The following ZNF536 variants were observed in gnomAD, a reference collection of about 807,000 sequenced individuals.
The protein encoded by ZNF536 is zinc finger protein 536.
ZNF536 carries 13 observed loss-of-function variants against 84.5 expected under a neutral mutation model. The observed-to-expected ratio is 0.15, with a 90% CI of 0.10 to 0.24. ZNF536 has a LOEUF of 0.24. Among genes scored for constraint, ZNF536 ranks in the 10% least tolerant of loss-of-function variants. The probability of loss-of-function intolerance (pLI) is 1.00; values close to 1 mark genes in which losing one functional copy is unlikely to be tolerated. For missense variants in ZNF536, 1,536 were observed against 1,747.5 expected (o/e 0.88, Z 2.16); for synonymous variants, 811 against 742.5 (o/e 1.09, Z -1.50).
intron 1 of ZNF536, among the ~76,000 whole-genome samples, chr19:30,637,345 A>T (rs1173518322): frequency 1.3e-5 from 2 of 152,170 alleles, no homozygotes; most frequent in Non-Finnish European, 2.9e-5. Flanking sequence ...TCTCTTTGAG[A>T]GTCCATCAAC....
At chr19:30,377,873 C>G (rs571937034) in intron 1 of ZNF536, among the ~76,000 whole-genome samples, 42 of 152,228 alleles carry the variant, frequency 2.8e-4, no homozygotes, top group Non-Finnish European at 1.5e-5. Flanking sequence ...CCTCATTTTA[C>G]CCAGCTCCTA....
chr19:30,375,089 G>A (rs1431053391), intron 1 of ZNF536, among the ~76,000 whole-genome samples: 5 of 151,642 alleles, frequency 3.3e-5, no homozygotes, highest in Non-Finnish European at 7.4e-5. Context: ...GAGTAACAAA[G>A]GAATGCGTCT....
In ZNF536 at chr19:30,537,049, T is replaced by C. The variant is rs148189825; in HGVS notation, c.2323+2050T>C. Among the ~76,000 whole-genome samples, 848 of 152,290 alleles carry C rather than the reference T, an allele frequency of 5.6e-3. 5 individuals carry two copies. Among genetic ancestry groups the C allele is most frequent in the South Asian group, 0.025 (121 of 4,818 alleles). The stretch of plus-strand genomic sequence containing the variant: ...GCATCTGACACACCATGCATTTGTA[T>C]TTCGTTGTTGTTTCTCTCCATGCAC... On this transcript the variant is annotated intron_variant, in intron 3 of 4. Coordinates refer to ENST00000355537, the MANE Select transcript of ZNF536 (RefSeq NM_014717.3).
intron 2 of ZNF536, among the ~76,000 whole-genome samples, chr19:30,450,266 T>C (rs969245997): frequency 6.6e-6 from 1 of 151,556 alleles, no homozygotes; most frequent in Non-Finnish European, 1.5e-5. Flanking sequence ...TGCTTCCTGC[T>C]GCAAAAGCCA....
intron 1 of ZNF536, among the ~76,000 whole-genome samples, chr19:30,564,314 GA>G (rs1257470516): frequency 6.6e-6 from 1 of 152,044 alleles, no homozygotes; most frequent in Non-Finnish European, 1.5e-5. Flanking sequence ...AAGAAAAAAG[GA>G]AAGGAGAAGG....
Position 30,466,584 on chromosome 19 carries a change from A to AAGAAAGAGAGAGAGAG in ZNF536, c.2170+20855_2170+20856insAAGAGAGAGAGAGAGA, listed in dbSNP as rs1555775076. The stretch of plus-strand genomic sequence containing the variant: ...TTAGAAAGAAAGAAAGAAAGAAAGA[A>AAGAAAGAGAGAGAGAG]AGAGAGAGAGAGAGAGAGAAAGAAA... On this transcript the variant is annotated intron_variant, in intron 2 of 4. Coordinates refer to ENST00000355537, the MANE Select transcript of ZNF536 (RefSeq NM_014717.3). Among the ~76,000 whole-genome samples, 188 of 144,458 alleles carry AAGAAAGAGAGAGAGAG rather than the reference A, an allele frequency of 1.3e-3. 3 individuals are homozygous for AAGAAAGAGAGAGAGAG. The South Asian group carries it at 0.018, about 14-fold the overall frequency. The allele number at this position is 144,458 out of a possible 152,430, so 94.8% of individuals were successfully genotyped here. A position where few individuals can be genotyped will look rare whatever the true frequency, so the allele number is the denominator to read the frequency against.
intron 2 of ZNF536, among the ~76,000 whole-genome samples, chr19:30,333,198 G>GT (rs2047271834): frequency 6.6e-6 from 1 of 152,008 alleles, no homozygotes; most frequent in Admixed American, 6.5e-5. Flanking sequence ...AATAAATAAG[G>GT]AAATAATATT....
At chr19:30,630,900 A>G (rs577921685) in intron 1 of ZNF536, among the ~76,000 whole-genome samples, 58 of 152,384 alleles carry the variant, frequency 3.8e-4, no homozygotes, top group African/African-American at 1.4e-3. Flanking sequence ...ACAGATGCAG[A>G]CCAGCCTGTT....
chr19:30,606,242 TAA>T lies in ZNF536; in HGVS notation c.169+56731_169+56732del, dbSNP rs1194568726. ...TATAAAATAAAATAATAAAATAAAATAAAATAAAATAAATAAAATAAAATAAA... is the reference window on the plus strand; with the variant it reads ...TATAAAATAAAATAATAAAATAAAATAATAAAATAAATAAAATAAAATAAA... On this transcript the variant is annotated intron_variant, in intron 1 of 1. Coordinates refer to the ZNF536 transcript ENST00000592773. Among the ~76,000 whole-genome samples, 601 of 67,074 alleles carry T rather than the reference TAA, an allele frequency of 9.0e-3. 4 individuals are homozygous for T. The highest frequency in any genetic ancestry group is 0.018 in the Middle Eastern group (3 of 170). The allele number at this position is 67,074 out of a possible 152,430, so 44.0% of individuals were successfully genotyped here. A position where few individuals can be genotyped will look rare whatever the true frequency, so the allele number is the denominator to read the frequency against.
intron 1 of ZNF536, among the ~76,000 whole-genome samples, chr19:30,692,232 C>A (rs1295223462): frequency 6.6e-6 from 1 of 152,210 alleles, no homozygotes; most frequent in Non-Finnish European, 1.5e-5. Context: ...TGAAACCAAA[C>A]GGGTGCCTGC....
At position 30,360,200 on chromosome 19, in the gene ZNF536, G is replaced by T. The variant is rs546070115; in HGVS notation, c.-3+7716G>T. On this transcript the variant is annotated intron_variant, in intron 3 of 5. Coordinates refer to the ZNF536 transcript ENST00000585628. ...GAGCTTGGGCGTAGTGAAAGTGCTT[G>T]GGAAGGGGTCGGCTCGGCTCTGGGC... Among the ~76,000 whole-genome samples the T allele has an allele frequency of 3.3e-5, 5 of 152,352 alleles. No homozygotes were observed. In the East Asian group the frequency reaches 5.8e-4, roughly 18 times the overall value.
At chr19:30,655,392 T>C (rs966053699) in intron 1 of ZNF536, among the ~76,000 whole-genome samples, 4 of 152,258 alleles carry the variant, frequency 2.6e-5, no homozygotes, top group African/African-American at 7.2e-5. Context: ...TGGTACCCAA[T>C]TGTGGCCACA....
intron 1 of ZNF536, among the ~76,000 whole-genome samples, chr19:30,652,209 C>T (rs909419151): frequency 3.3e-5 from 5 of 152,184 alleles, no homozygotes; most frequent in Non-Finnish European, 7.3e-5. Flanking sequence ...TGTGACCAGA[C>T]ATAACTGTTT....
intron 1 of ZNF536, among the ~76,000 whole-genome samples, chr19:30,709,521 G>A (rs192015668): frequency 1.8e-3 from 271 of 152,342 alleles, no homozygotes; most frequent in African/African-American, 6.2e-3. Flanking sequence ...CCTGAGGCCT[G>A]AGTCAGACTC....
intron 1 of ZNF536, among the ~76,000 whole-genome samples, chr19:30,396,592 CTTT>C (rs386388859): frequency 1.4e-3 from 162 of 112,354 alleles, no homozygotes; most frequent in Middle Eastern, 5.6e-3. Flanking sequence ...AGGGCTCTCT[CTTT>C]TTTTTTTTTT....
chr19:30,654,666 G>A (rs1290629367), intron 1 of ZNF536, among the ~76,000 whole-genome samples: 1 of 152,152 alleles, frequency 6.6e-6, no homozygotes, highest in Non-Finnish European at 1.5e-5. Flanking sequence ...GATTGTTGCT[G>A]TAATGGGTCT....
intron 3 of ZNF536, among the ~76,000 whole-genome samples, chr19:30,358,731 G>A (rs1396080938): frequency 1.3e-5 from 2 of 152,218 alleles, no homozygotes; most frequent in Admixed American, 1.3e-4. Context: ...CTGGCCCTGA[G>A]TTTCTGGTAT....
At chr19:30,383,932 TCCCTTCCCTC>T (rs1258500739) in intron 1 of ZNF536, among the ~76,000 whole-genome samples, 3 of 29,872 alleles carry the variant, frequency 1.0e-4, no homozygotes, top group Non-Finnish European at 1.3e-4. Flanking sequence ...TCCCTTCCCT[TCCCTTCCCTC>T]CCCTCCCCTC....
At chr19:30,311,080 G>A (rs1360220650) in intron 2 of ZNF536, among the ~76,000 whole-genome samples, 4 of 152,174 alleles carry the variant, frequency 2.6e-5, no homozygotes, top group Non-Finnish European at 5.9e-5. Context: ...ACAGGCGTGG[G>A]GACCTTGTAC....
Sources: allele counts gnomAD v4.1 joint callset (sites outside exome capture counted in the v4.1 genomes callset), GRCh38; gene constraint gnomAD v4.1.1; transcripts MANE v1.5; gene names NCBI Gene and HGNC (gene_info 2026-07-23, HGNC 2026-07-21).